Variants in C2orf49 observed in about 807,000 individuals in gnomAD.
The protein encoded by C2orf49 is tRNA splicing ligase complex subunit 2, also known as tRNA-splicing ligase complex subunit ASW.
Under a neutral mutation model 20.6 loss-of-function variants are expected in C2orf49, and 11 were observed. That is an observed-to-expected ratio of 0.53 (90% CI 0.34 to 0.88). The LOEUF is 0.88. Among genes scored for constraint, C2orf49 ranks in the 40% least tolerant of loss-of-function variants. The probability of loss-of-function intolerance (pLI) is 0.02; values close to 1 mark genes in which losing one functional copy is unlikely to be tolerated. For missense variants in C2orf49, 289 were observed against 274.2 expected, an observed-to-expected ratio of 1.05 and a Z score of -0.38; for synonymous variants, 134 against 108.5, an observed-to-expected ratio of 1.24 and a Z score of -1.46.
rs753090039 is a variant in C2orf49, at chr2:105,339,706, G to C, written c.223G>C (p.Glu75Gln). 2 of 1,604,812 alleles carry C rather than the reference G, an allele frequency of 1.2e-6. No homozygotes were observed. The highest frequency in any genetic ancestry group is 1.7e-6 in the Non-Finnish European group (2 of 1,178,024). Residue 75 changes from glutamate (E) to glutamine (Q), a missense_variant, in exon 2 of 4, where the codon GAA becomes CAA. Physicochemically the swap from Glu to Gln is conservative, Grantham distance 29. Coordinates refer to ENST00000258457, the MANE Select transcript of C2orf49 (RefSeq NM_024093.3). ...GAAGAATAGATGGGGGAAAATGATG[G>C]AAAAGAAAAGAGAACAACATGAGAT... ...LPKNRWGKMM[E>Q]KKREQHEIKN... is the part of the protein sequence containing the mutation.
At chr2:105,362,005 A>C in the C2orf49 span, among the ~76,000 whole-genome samples, 1 of 152,226 alleles carries the variant, frequency 6.6e-6, no homozygotes, top group Non-Finnish European at 1.5e-5. Flanking sequence ...CCGTGATTAT[A>C]ATACAGTTGG....
chr2:105,369,311 C>A, the C2orf49 span, among the ~76,000 whole-genome samples: 1 of 152,166 alleles, frequency 6.6e-6, no homozygotes, highest in East Asian at 1.9e-4. Flanking sequence ...GCCCCAAAAT[C>A]TTATGGTCCC....
the C2orf49 span, chr2:105,378,667 C>G: frequency 6.4e-6 from 1 of 155,664 alleles, no homozygotes; most frequent in Non-Finnish European, 1.4e-5. Context: ...CGCAACGTTT[C>G]TCTCAGCCTA....
At chr2:105,337,784 C>T (rs530233423) in intron 1 of C2orf49, 98 bp downstream of exon 1, 2 of 1,112,704 alleles carry the variant, frequency 1.8e-6, no homozygotes, top group East Asian at 2.6e-5. Flanking sequence ...ACCACGGACA[C>T]TCCCGCCGGG....
the C2orf49 span, chr2:105,367,561 C>T: frequency 3.1e-6 from 5 of 1,607,678 alleles, no homozygotes; most frequent in Middle Eastern, 1.7e-4. Flanking sequence ...AAGGGGGCAT[C>T]TGAGATACCT....
At chr2:105,364,982 G>A in the C2orf49 span, among the ~76,000 whole-genome samples, 1 of 152,052 alleles carries the variant, frequency 6.6e-6, no homozygotes, top group Non-Finnish European at 1.5e-5. Flanking sequence ...CACCAAACAC[G>A]CTTGGTTGCA....
the C2orf49 span, among the ~76,000 whole-genome samples, chr2:105,354,431 G>A: frequency 1.3e-5 from 2 of 152,104 alleles, no homozygotes; most frequent in Non-Finnish European, 1.5e-5. Flanking sequence ...GTGGGAGGCC[G>A]AGGTGGGCTG....
intron 3 of C2orf49, among the ~76,000 whole-genome samples, chr2:105,343,630 CTGTT>C (rs1679733464): frequency 6.6e-6 from 1 of 152,148 alleles, no homozygotes; most frequent in South Asian, 2.1e-4. Context: ...TTAAGTCTGT[CTGTT>C]TGTGCATACC....
At chr2:105,353,642 TC>T (rs1679989527), downstream of C2orf49, among the ~76,000 whole-genome samples, 2 of 152,198 alleles carry the variant, frequency 1.3e-5, no homozygotes, top group South Asian at 2.1e-4. Flanking sequence ...TTCCTGGGCT[TC>T]CACTTCCTCC....
chr2:105,366,784 C>T, the C2orf49 span, among the ~76,000 whole-genome samples: 3 of 152,156 alleles, frequency 2.0e-5, no homozygotes, highest in East Asian at 1.9e-4. Context: ...CTCGCTCAGT[C>T]GCCCAGGCTG....
chr2:105,345,254 C>A, intron 3 of C2orf49, 61 bp from the exon 4 acceptor site: 1 of 1,438,760 alleles, frequency 7.0e-7, no homozygotes, highest in South Asian at 1.2e-5. Context: ...TTGAAATGTT[C>A]ATTTTAGTTG....
chr2:105,346,036 T>C lies in C2orf49; in HGVS notation c.*665T>C, dbSNP rs1022372862. On this transcript the variant is annotated 3_prime_UTR_variant, in exon 4 of 4. Coordinates refer to ENST00000258457, the MANE Select transcript of C2orf49 (RefSeq NM_024093.3). The stretch of plus-strand genomic sequence containing the variant: ...CTTGTTCAGAGTCTTTGGGGGAAAT[T>C]TGAGATTTTTGAGATTTTTTTTAAA... The C allele has an allele frequency of 6.6e-6, 1 of 152,158 alleles. No individual in the cohort carries two copies. The highest frequency in any genetic ancestry group is 2.4e-5 in the African/African-American group (1 of 41,434). The allele number at this position is 152,158 out of a possible 1,614,324, so 9.4% of individuals were successfully genotyped here.
chr2:105,383,710 T>C, the C2orf49 span, among the ~76,000 whole-genome samples: 6 of 152,210 alleles, frequency 3.9e-5, no homozygotes, highest in Admixed American at 6.5e-5. Context: ...CCTGCCAGGA[T>C]TGTGGGCTTT....
downstream of C2orf49, among the ~76,000 whole-genome samples, chr2:105,351,861 C>A (rs987488191): frequency 6.6e-6 from 1 of 152,136 alleles, no homozygotes; most frequent in African/African-American, 2.4e-5. Flanking sequence ...ATATATGTAC[C>A]TATATTAACC....
At chr2:105,375,049 G>A in the C2orf49 span, among the ~76,000 whole-genome samples, 9 of 152,104 alleles carry the variant, frequency 5.9e-5, no homozygotes, top group Non-Finnish European at 1.3e-4. Flanking sequence ...GTGAAGACAT[G>A]GATCTTGGCC....
chr2:105,364,951 C>G, the C2orf49 span, among the ~76,000 whole-genome samples: 6 of 152,240 alleles, frequency 3.9e-5, no homozygotes, highest in Non-Finnish European at 7.3e-5. Context: ...TATAACCCAC[C>G]CCACTGCACA....
the C2orf49 span, among the ~76,000 whole-genome samples, chr2:105,382,963 G>A: frequency 6.6e-6 from 1 of 152,158 alleles, no homozygotes; most frequent in Non-Finnish European, 1.5e-5. Context: ...TTGGCTCACT[G>A]CAACCTCTAC....
the C2orf49 span, among the ~76,000 whole-genome samples, chr2:105,380,248 C>T: frequency 6.6e-6 from 1 of 152,164 alleles, no homozygotes; most frequent in African/African-American, 2.4e-5. Context: ...GAAAATGCCA[C>T]CAAAAGGCCT....
chr2:105,360,938 A>G, the C2orf49 span: 6 of 181,088 alleles, frequency 3.3e-5, no homozygotes, highest in Non-Finnish European at 5.8e-5. Context: ...GAGTTTAGAA[A>G]ACTTTCAAGT....
Sources: gnomAD v4.1 joint callset for allele counts (sites outside exome capture counted in the v4.1 genomes callset) on GRCh38, gnomAD v4.1.1 for gene constraint, MANE v1.5 for transcripts, NCBI Gene and HGNC (gene_info 2026-07-23, HGNC 2026-07-21) for gene names.